NUB1: variants seen among roughly 807,000 people sequenced by gnomAD.
NUB1 encodes negative regulator of ubiquitin like proteins 1, also known as NEDD8 ultimate buster 1.
In NUB1, 41 loss-of-function variants were observed where a neutral mutation model predicts 77.1. That is an observed-to-expected ratio of 0.53 (90% CI 0.41 to 0.69). The LOEUF (loss-of-function observed/expected upper bound fraction) is 0.69, where lower values mean the gene tolerates loss of function less well. Ranked by LOEUF, NUB1 falls within the 30% of genes least tolerant of loss-of-function variation. The pLI is 0.00. For missense variants in NUB1, 643 were observed against 743.8 expected, an observed-to-expected ratio of 0.86 and a Z score of 1.58; for synonymous variants, 257 against 281.0, an observed-to-expected ratio of 0.91 and a Z score of 0.85.
In NUB1 at chr7:151,377,463, T is replaced by C. The variant is rs535644537; in HGVS notation, c.*238T>C. On this transcript the variant is annotated 3_prime_UTR_variant, in exon 15 of 15. Transcript: ENST00000568733. ...CATCTGCCTCCCAGGTCTGCGTCCC[T>C]AACCCCTTCCCCAGCTTGGTGTTTT... 4.7e-5 allele frequency: 16 copies of C among 338,716 alleles called. No individual in the cohort carries two copies. In the South Asian group the frequency reaches 8.7e-4, roughly 19 times the overall value. The allele number at this position is 338,716 out of a possible 1,614,324, so 21.0% of individuals were successfully genotyped here.
Position 151,360,129 on chromosome 7 carries a change from A to T in NUB1, c.694-12A>T. ...TTAAAGTGATGTTTTTTAAATTTGT[A>T]TTTTTTCCTAGGCCCTTATGTTAGC... On this transcript the variant is annotated splice_polypyrimidine_tract_variant and intron_variant, in intron 7 of 14. Transcript: ENST00000568733. 1 of 1,376,412 alleles carries T rather than the reference A, an allele frequency of 7.3e-7. No individual in the cohort carries two copies. Among genetic ancestry groups the T allele is most frequent in the Non-Finnish European group, 1.0e-6 (1 of 983,586 alleles). The allele number at this position is 1,376,412 out of a possible 1,614,324, so 85.3% of individuals were successfully genotyped here.
intron 2 of NUB1, 36 bp from the exon 3 acceptor site, chr7:151,349,037 T>A (rs753477025): frequency 5.0e-5 from 79 of 1,568,900 alleles, no homozygotes; most frequent in Non-Finnish European, 1.6e-5. Context: ...TTTTTTTTTT[T>A]AAGTCAGTAT....
Position 151,374,879 on chromosome 7 carries a change from G to A in NUB1, c.1395+636G>A, listed in dbSNP as rs918668915. ...AGTGAGAGACAAACTCAGAGCACAC[G>A]TGGTGAGGGGTCCCGAGGGGGTGCA... On this transcript the variant is annotated intron_variant, in intron 12 of 14. Transcript: ENST00000568733. 4.6e-5 allele frequency among the ~76,000 whole-genome samples: 7 copies of A among 152,208 alleles called. No individual in the cohort carries two copies. In the East Asian group the frequency reaches 7.7e-4, roughly 17 times the overall value.
intron 11 of NUB1, among the ~76,000 whole-genome samples, chr7:151,370,243 C>G (rs900146063): frequency 6.6e-6 from 1 of 152,100 alleles, no homozygotes; most frequent in Non-Finnish European, 1.5e-5. Flanking sequence ...CCCACCACCA[C>G]GCCCAGCTTT....
intron 13 of NUB1, chr7:151,376,245 A>T (rs1348569529): frequency 4.3e-6 from 2 of 469,514 alleles, no homozygotes; most frequent in Non-Finnish European, 7.8e-6. Flanking sequence ...AAAGGATGGC[A>T]CTGTGACCTG....
At position 151,355,914 on chromosome 7, in the gene NUB1, A is replaced by C. The variant is rs777531212; in HGVS notation, c.562A>C (p.Arg188=). Residue 188 remains arginine, a synonymous_variant, in exon 6 of 15, where the codon AGG becomes CGG. Transcript: ENST00000568733. ...EAKLKEKQIQ[R]TKRGLEILAK... is the part of the protein sequence containing the mutation. ...CAAACTCAAAGAAAAACAAATTCAG[A>C]GGACCAAGAGAGGACTAGAAATACT... is the stretch of plus-strand genomic sequence containing the variant. 3.7e-6 allele frequency: 6 copies of C among 1,613,854 alleles called. No individual in the cohort carries two copies. In the African/African-American group the frequency reaches 4.0e-5, roughly 11 times the overall value.
At chr7:151,370,901 A>G (rs1410857813) in intron 11 of NUB1, among the ~76,000 whole-genome samples, 2 of 152,114 alleles carry the variant, frequency 1.3e-5, no homozygotes, top group Non-Finnish European at 2.9e-5. Flanking sequence ...AGTTCTCATC[A>G]CTGTATAAGA....
In NUB1 at chr7:151,355,759, T is replaced by C; in HGVS notation, c.416-9T>C. On this transcript the variant is annotated splice_polypyrimidine_tract_variant and intron_variant, in intron 5 of 14. Transcript: ENST00000568733. ...TTTTTAAAATAATAGGCAGTTCTGATTTTTATAGGGAAAACCCTTGAAGAA... is the reference window on the plus strand; with the variant it reads ...TTTTTAAAATAATAGGCAGTTCTGACTTTTATAGGGAAAACCCTTGAAGAA... 1 of 1,568,540 alleles carries C rather than the reference T, an allele frequency of 6.4e-7. No individual in the cohort carries two copies. Among genetic ancestry groups the C allele is most frequent in the Non-Finnish European group, 8.6e-7 (1 of 1,158,132 alleles).
At chr7:151,370,846 A>G (rs1797927213) in intron 11 of NUB1, among the ~76,000 whole-genome samples, 1 of 152,134 alleles carries the variant, frequency 6.6e-6, no homozygotes, top group African/African-American at 2.4e-5. Context: ...AGATTTTATT[A>G]GCATCTGGAA....
intron 7 of NUB1, among the ~76,000 whole-genome samples, chr7:151,356,908 G>C (rs1797090524): frequency 6.6e-6 from 1 of 152,084 alleles, no homozygotes. Context: ...GTAGAGACAG[G>C]GTTTCTCCAT....
chr7:151,350,275 C>T (rs1796724937), intron 3 of NUB1, among the ~76,000 whole-genome samples: 1 of 152,236 alleles, frequency 6.6e-6, no homozygotes, highest in Non-Finnish European at 1.5e-5. Context: ...TGTGGGCGGG[C>T]CTGACTAATG....
intron 7 of NUB1, 24 bp from the exon 8 acceptor site, chr7:151,360,117 T>C: frequency 8.3e-7 from 1 of 1,199,786 alleles, no homozygotes; most frequent in South Asian, 1.4e-5. Flanking sequence ...AAGTGATGTT[T>C]TTTAAATTTG....
At position 151,356,137 on chromosome 7, in the gene NUB1, C is replaced by T. The variant is rs988842273; in HGVS notation, c.608C>T (p.Thr203Ile). 4 of 1,613,374 alleles carry T rather than the reference C, an allele frequency of 2.5e-6. No homozygotes were observed. In the Admixed American group the frequency reaches 5.0e-5, roughly 20 times the overall value. The change falls in exon 7 of 15, where the codon ACA (threonine) becomes ATA (isoleucine). Residue 203 changes from threonine to isoleucine, a missense_variant. Coordinates refer to ENST00000568733, the MANE Select transcript of NUB1 (RefSeq NM_001243351.2). Reference protein sequence around the residue: ...LEILAKRAAETVVDPEMTPYL... With the variant: ...LEILAKRAAEIVVDPEMTPYL... ...TTTGGTTTTGTTACAGCAGCAGAGA[C>T]AGTGGTGGATCCAGAAATGACACCG... is the stretch of plus-strand genomic sequence containing the variant.
intron 3 of NUB1, 106 bp downstream of exon 3, chr7:151,349,346 T>G: frequency 1.1e-6 from 1 of 937,138 alleles, no homozygotes; most frequent in South Asian, 1.6e-5. Flanking sequence ...AGAATTCTTT[T>G]AAGTGACTTT....
chr7:151,375,489 C>G (rs1798173402), intron 12 of NUB1, among the ~76,000 whole-genome samples: 1 of 152,210 alleles, frequency 6.6e-6, no homozygotes. Flanking sequence ...CATTTTAAGT[C>G]TAGAGGGCAT....
At chr7:151,356,280 G>C (rs1797060520) in intron 7 of NUB1, 58 bp downstream of exon 7, 1 of 1,235,554 alleles carries the variant, frequency 8.1e-7, no homozygotes, top group African/African-American at 1.5e-5. Context: ...GGCAGAGGTG[G>C]TTTTTTAGTT....
At chr7:151,372,788 G>A (rs1354360010) in intron 11 of NUB1, among the ~76,000 whole-genome samples, 3 of 152,156 alleles carry the variant, frequency 2.0e-5, no homozygotes, top group Admixed American at 6.5e-5. Context: ...CCTGTGCAGC[G>A]GGGCTGGAGC....
At chr7:151,376,217 T>C (rs1290776535) in intron 13 of NUB1, 1 of 479,226 alleles carries the variant, frequency 2.1e-6, no homozygotes, top group Non-Finnish European at 3.8e-6. Flanking sequence ...TCAGCCTCAT[T>C]TCTCTGCCTG....
At chr7:151,375,705 A>G (rs1368317578) in intron 12 of NUB1, 143 bp from the exon 13 acceptor site, 1 of 615,536 alleles carries the variant, frequency 1.6e-6, no homozygotes, top group Non-Finnish European at 3.1e-6. Flanking sequence ...TTCTGTGAAC[A>G]CCAGCCTGAG....
Sources: allele counts gnomAD v4.1 joint callset (sites outside exome capture counted in the v4.1 genomes callset), GRCh38; gene constraint gnomAD v4.1.1; transcripts MANE v1.5; gene names NCBI Gene and HGNC (gene_info 2026-07-23, HGNC 2026-07-21).